SHROOM4: variants seen among roughly 807,000 people sequenced by gnomAD.
SHROOM4 encodes the protein shroom family member 4.
In SHROOM4, 17 loss-of-function variants were observed where a neutral mutation model predicts 80.3. That is an observed-to-expected ratio of 0.21 (90% CI 0.14 to 0.32). The LOEUF (loss-of-function observed/expected upper bound fraction) is 0.32. SHROOM4 is among the 10% of genes least tolerant of loss of function. The pLI is 1.00. For synonymous variants in SHROOM4, 400 were observed against 437.5 expected (o/e 0.91, Z 1.07); for missense variants, 993 against 1,140.3 (o/e 0.87, Z 1.86).
At chrX:50,603,059 G>A (rs1487200362) in intron 6 of SHROOM4, among the ~76,000 whole-genome samples, 5 of 111,772 alleles carry the variant, frequency 4.5e-5, no homozygotes, top group Middle Eastern at 4.6e-3. Flanking sequence ...GACTTCTTTC[G>A]AGATAATTTG....
At chrX:50,713,406 G>A (rs1226140554) in intron 1 of SHROOM4, among the ~76,000 whole-genome samples, 1 of 110,930 alleles carries the variant, frequency 9.0e-6, no homozygotes, top group Non-Finnish European at 1.9e-5. Context: ...CTAGGTGGGG[G>A]GATTGCTTGA....
At chrX:50,736,676 T>C (rs2147557895) in intron 1 of SHROOM4, among the ~76,000 whole-genome samples, 1 of 112,421 alleles carries the variant, frequency 8.9e-6, no homozygotes, top group South Asian at 3.7e-4. Context: ...TTCTATGTCT[T>C]CGCTATTATG....
intron 1 of SHROOM4, among the ~76,000 whole-genome samples, chrX:50,768,314 G>A (rs1557269474): frequency 8.9e-6 from 1 of 111,938 alleles, no homozygotes; most frequent in Non-Finnish European, 1.9e-5. Context: ...AACATTCTGG[G>A]TGGGTAAAGC....
chrX:50,627,336 G>A (rs1930842587), intron 5 of SHROOM4, among the ~76,000 whole-genome samples: 1 of 111,421 alleles, frequency 9.0e-6, no homozygotes, highest in Non-Finnish European at 1.9e-5. Context: ...AGAGAATAAA[G>A]CTATGACCAA....
At chrX:50,807,690 T>A (rs782245322) in intron 1 of SHROOM4, among the ~76,000 whole-genome samples, 5 of 111,592 alleles carry the variant, frequency 4.5e-5, no homozygotes, top group Non-Finnish European at 9.4e-5. Context: ...TTATATCTTC[T>A]CTCTCATCTC....
chrX:50,793,742 TCTAAAAG>T (rs1259851290), intron 1 of SHROOM4, among the ~76,000 whole-genome samples: 1 of 108,874 alleles, frequency 9.2e-6, no homozygotes. Flanking sequence ...TCAGGTGATA[TCTAAAAG>T]AAAAGAAAAA....
chrX:50,713,577 G>A (rs1273336426), intron 1 of SHROOM4, among the ~76,000 whole-genome samples: 3 of 111,519 alleles, frequency 2.7e-5, no homozygotes, highest in Non-Finnish European at 3.8e-5. Context: ...TGAAGCTGCA[G>A]TAAGCCATGA....
chrX:50,716,395 A>T (rs1557264837), intron 1 of SHROOM4, among the ~76,000 whole-genome samples: 1 of 111,918 alleles, frequency 8.9e-6, no homozygotes. Flanking sequence ...GTATATTTTA[A>T]TTCGCTCAAT....
At chrX:50,582,516 C>T (rs1164806908), downstream of SHROOM4, among the ~76,000 whole-genome samples, 1 of 111,876 alleles carries the variant, frequency 8.9e-6, no homozygotes, top group East Asian at 2.8e-4. Flanking sequence ...TTCACTTTTG[C>T]CTAGCTAACT....
chrX:50,758,419 T>C (rs1219119379), intron 1 of SHROOM4, among the ~76,000 whole-genome samples: 1 of 112,118 alleles, frequency 8.9e-6, no homozygotes, highest in Non-Finnish European at 1.9e-5. Flanking sequence ...GTTTTTGTCA[T>C]GAAAAGGTGA....
chrX:50,607,358 T>C (rs1929710243), intron 6 of SHROOM4, 23 bp downstream of exon 6: 4 of 1,208,665 alleles, frequency 3.3e-6, no homozygotes, highest in African/African-American at 1.7e-5. Flanking sequence ...TTCAGAGACC[T>C]AGTATCTTTC....
In SHROOM4 at chrX:50,813,160, T is replaced by TGGCGGCGGCGGCGGCGGC. The variant is rs781798597; in HGVS notation, c.117+724_117+741dup. Among the ~76,000 whole-genome samples, 32 of 102,021 alleles carry TGGCGGCGGCGGCGGCGGC rather than the reference T, an allele frequency of 3.1e-4. No homozygotes were observed. In the East Asian group the frequency reaches 6.1e-3, roughly 19 times the overall value. 88.6% of individuals were successfully genotyped at this position (102,021 alleles called of 115,157 possible). A position where few individuals can be genotyped will look rare whatever the true frequency, so the allele number is the denominator to read the frequency against. ...CTGGCGGCGGCGGCGGCGGCGGCAG[T>TGGCGGCGGCGGCGGCGGC]GGCGGCGGCGGCGGCGGCGGCGGCG... On this transcript the variant is annotated intron_variant, in intron 1 of 8. Transcript: ENST00000376020.
At chrX:50,777,828 A>G (rs1935542611) in intron 1 of SHROOM4, among the ~76,000 whole-genome samples, 1 of 112,334 alleles carries the variant, frequency 8.9e-6, no homozygotes, top group Admixed American at 9.4e-5. Context: ...ATGGGTGTGA[A>G]AGTAATTACT....
intron 1 of SHROOM4, among the ~76,000 whole-genome samples, chrX:50,809,281 T>C (rs1202439193): frequency 8.9e-6 from 1 of 111,765 alleles, no homozygotes; most frequent in Non-Finnish European, 1.9e-5. Flanking sequence ...CTGCACCCAA[T>C]AAGAATTCAA....
intron 1 of SHROOM4, among the ~76,000 whole-genome samples, chrX:50,709,254 C>G (rs1489751217): frequency 2.7e-5 from 3 of 112,023 alleles, no homozygotes; most frequent in African/African-American, 9.7e-5. Context: ...AAGCTTTTGC[C>G]CTGGCCCCCA....
intron 5 of SHROOM4, among the ~76,000 whole-genome samples, chrX:50,611,016 T>A (rs183841265): frequency 1.8e-5 from 2 of 111,483 alleles, no homozygotes; most frequent in South Asian, 7.6e-4. Context: ...TGTATTTTTT[T>A]AATCAAGGGC....
chrX:50,794,647 T>TACACACACACAC (rs55726150), intron 1 of SHROOM4, among the ~76,000 whole-genome samples: 150 of 97,204 alleles, frequency 1.5e-3, no homozygotes, highest in African/African-American at 4.7e-3. Flanking sequence ...CACACACACA[T>TACACACACACAC]ACACACACAC....
At chrX:50,623,520 CA>C (rs1348902367) in intron 5 of SHROOM4, among the ~76,000 whole-genome samples, 1 of 111,914 alleles carries the variant, frequency 8.9e-6, no homozygotes, top group Non-Finnish European at 1.9e-5. Flanking sequence ...CACACAGTAA[CA>C]ATTAATCTTT....
chrX:50,605,358 G>A (rs1384211882), intron 6 of SHROOM4, among the ~76,000 whole-genome samples: 7 of 112,366 alleles, frequency 6.2e-5, no homozygotes, highest in African/African-American at 1.9e-4. Context: ...TAGCTATTTT[G>A]GGAATGATGC....
Sources: gnomAD v4.1 joint callset for allele counts (sites outside exome capture counted in the v4.1 genomes callset) on GRCh38, gnomAD v4.1.1 for gene constraint, MANE v1.5 for transcripts, NCBI Gene and HGNC (gene_info 2026-07-23, HGNC 2026-07-21) for gene names.